OSBPL10: variants seen among roughly 807,000 people sequenced by gnomAD.
OSBPL10 encodes oxysterol-binding protein-related protein 10.
OSBPL10 carries 49 observed loss-of-function variants against 81.7 expected under a neutral mutation model. The ratio of observed to expected loss-of-function variants is 0.60; its 90% confidence interval spans 0.48 to 0.76. The LOEUF is 0.76. Ranked by LOEUF, OSBPL10 falls within the 30% of genes least tolerant of loss-of-function variation. The pLI, the probability that OSBPL10 is intolerant of heterozygous loss-of-function variation, is 0.00. For synonymous variants in OSBPL10, 419 were observed against 383.6 expected (o/e 1.09, Z -1.08); for missense variants, 923 against 987.8 (o/e 0.93, Z 0.88).
intron 1 of OSBPL10, among the ~76,000 whole-genome samples, chr3:32,053,976 A>G (rs1559555735): frequency 6.6e-6 from 1 of 152,196 alleles, no homozygotes; most frequent in African/African-American, 2.4e-5. Context: ...TCAAAAAAAC[A>G]AAAGAAAGAA....
chr3:31,984,603 G>A (rs1225269608), upstream of OSBPL10, among the ~76,000 whole-genome samples: 1 of 152,180 alleles, frequency 6.6e-6, no homozygotes. Flanking sequence ...ATCTATAGGA[G>A]TGATGGGGAG....
At chr3:32,019,992 C>T (rs1197755753) in intron 2 of OSBPL10, among the ~76,000 whole-genome samples, 1 of 152,190 alleles carries the variant, frequency 6.6e-6, no homozygotes, top group East Asian at 1.9e-4. Context: ...ATTTCTCTCC[C>T]AGTTCCACTC....
In OSBPL10 at chr3:31,661,771, C is replaced by T. The variant is rs1203091800; in HGVS notation, c.*301G>A. On this transcript the variant is annotated 3_prime_UTR_variant, in exon 12 of 12. Coordinates refer to ENST00000396556, the MANE Select transcript of OSBPL10 (RefSeq NM_017784.5). ...TGATAAAAAGGAGCTTATGATTACCCACTTTAACCTTGGTGAGTGCAGTAT... is the reference window on the plus strand; with the variant it reads ...TGATAAAAAGGAGCTTATGATTACCTACTTTAACCTTGGTGAGTGCAGTAT... The T allele has an allele frequency of 7.2e-6, 2 of 276,418 alleles. No individual in the cohort carries two copies. Among genetic ancestry groups the T allele is most frequent in the Non-Finnish European group, 1.3e-5 (2 of 149,316 alleles). The allele number at this position is 276,418 out of a possible 1,614,324, so 17.1% of individuals were successfully genotyped here. A position where few individuals can be genotyped will look rare whatever the true frequency, so the allele number is the denominator to read the frequency against.
At chr3:31,667,339 A>G (rs1046506497) in intron 10 of OSBPL10, among the ~76,000 whole-genome samples, 1 of 152,230 alleles carries the variant, frequency 6.6e-6, no homozygotes, top group African/African-American at 2.4e-5. Context: ...AGACACAGAG[A>G]AAGGTTATGC....
chr3:32,071,542 C>G (rs957910377), intron 1 of OSBPL10, among the ~76,000 whole-genome samples: 1 of 152,218 alleles, frequency 6.6e-6, no homozygotes, highest in African/African-American at 2.4e-5. Flanking sequence ...CGCCTTGTAG[C>G]CTTTTTGTCC....
chr3:31,801,853 G>T (rs928031154), intron 4 of OSBPL10, among the ~76,000 whole-genome samples: 5 of 150,292 alleles, frequency 3.3e-5, no homozygotes, highest in African/African-American at 9.8e-5. Context: ...ATGGAGTTTT[G>T]CTCTTGTTGC....
At chr3:31,822,758 A>C (rs1203313918) in intron 4 of OSBPL10, among the ~76,000 whole-genome samples, 1 of 151,756 alleles carries the variant, frequency 6.6e-6, no homozygotes, top group Admixed American at 6.6e-5. Context: ...AAAAACTTTA[A>C]AAAAAATTAG....
rs191880477 is a variant in OSBPL10 at position 31,870,157 on chromosome 3, G to A, written c.537+6276C>T. ...AGGGGGAACCGGGGCTGCGCACTGC[G>A]CTTGCGGGCCAGCTGGAGTTCCAGG... On this transcript the variant is annotated intron_variant, in intron 3 of 11. Transcript: ENST00000396556. Among the ~76,000 whole-genome samples the A allele has an allele frequency of 2.5e-3, 388 of 152,366 alleles. 5 individuals are homozygous for A. The highest frequency in any genetic ancestry group is 8.8e-3 in the African/African-American group (366 of 41,592).
intron 3 of OSBPL10, among the ~76,000 whole-genome samples, chr3:31,862,900 G>C (rs1701093566): frequency 6.6e-6 from 1 of 152,166 alleles, no homozygotes; most frequent in African/African-American, 2.4e-5. Flanking sequence ...ATATGGCCCA[G>C]TCATTCCACT....
intron 4 of OSBPL10, among the ~76,000 whole-genome samples, chr3:31,767,982 G>A (rs747042058): frequency 1.3e-5 from 2 of 152,156 alleles, no homozygotes; most frequent in African/African-American, 2.4e-5. Flanking sequence ...ACTCGATAGA[G>A]CAGCCCTGAG....
At position 31,721,854 on chromosome 3, in the gene OSBPL10, T is replaced by C. The variant is rs909028868; in HGVS notation, c.1095+11403A>G. Among the ~76,000 whole-genome samples, 9 of 152,342 alleles carry C rather than the reference T, an allele frequency of 5.9e-5. No homozygotes were observed. The East Asian group carries it at 1.5e-3, about 26-fold the overall frequency. On this transcript the variant is annotated intron_variant, in intron 6 of 11. Transcript: ENST00000396556. Reference sequence around the variant, plus strand: ...AGCTGGACATTAGCGATATATGATCTCACATAATGTTTATAACATTTTCAT... The same window carrying C: ...AGCTGGACATTAGCGATATATGATCCCACATAATGTTTATAACATTTTCAT...
At chr3:31,971,598 A>C (rs2125491981) in intron 1 of OSBPL10, among the ~76,000 whole-genome samples, 1 of 152,368 alleles carries the variant, frequency 6.6e-6, no homozygotes, top group South Asian at 2.1e-4. Context: ...CAAGGCAAAG[A>C]GTAGAGCTGG....
At position 31,683,895 on chromosome 3, in the gene OSBPL10, A is replaced by G. The variant is rs1700723904; in HGVS notation, c.1465T>C (p.Cys489Arg). 8 of 1,614,262 alleles carry G rather than the reference A, an allele frequency of 5.0e-6. No homozygotes were observed. Among genetic ancestry groups the G allele is most frequent in the Non-Finnish European group, 6.8e-6 (8 of 1,180,052 alleles). ...YNPIIGETFHCSWEVPKDRVK... is the reference protein window; with the variant it reads ...YNPIIGETFHRSWEVPKDRVK... ...CTGTCCTTGGGAACTTCCCAGGAGC[A>G]GTGAAATGTCTCGCCTATGATGGGG... The change falls in exon 8 of 12, where the codon TGC (cysteine) becomes CGC (arginine). Residue 489 changes from cysteine to arginine, a missense_variant. Cys to Arg is a radical substitution (Grantham distance 180). This residue lies in a region of OSBPL10 where 387 missense variants were observed against 436.3 expected (regional missense o/e 0.89). Coordinates refer to ENST00000396556, the MANE Select transcript of OSBPL10 (RefSeq NM_017784.5).
At chr3:31,910,627 C>T (rs1696548254) in intron 1 of OSBPL10, among the ~76,000 whole-genome samples, 1 of 151,312 alleles carries the variant, frequency 6.6e-6, no homozygotes, top group African/African-American at 2.4e-5. Flanking sequence ...CAGAGTGAGA[C>T]TCTAGCTCAA....
chr3:32,031,953 T>C (rs1699473013), intron 2 of OSBPL10, among the ~76,000 whole-genome samples: 1 of 152,110 alleles, frequency 6.6e-6, no homozygotes, highest in South Asian at 2.1e-4. Flanking sequence ...AACCCAGATA[T>C]TTAGGAAAGA....
chr3:31,682,278 C>T (rs564382531), intron 8 of OSBPL10, among the ~76,000 whole-genome samples: 20 of 152,308 alleles, frequency 1.3e-4, no homozygotes, highest in Non-Finnish European at 2.5e-4. Flanking sequence ...TGAGATTGAG[C>T]CTGGTACTCT....
chr3:31,707,144 C>T lies in OSBPL10; in HGVS notation c.1096-4636G>A, dbSNP rs34714500. On this transcript the variant is annotated intron_variant, in intron 6 of 11. Transcript: ENST00000396556. Reference sequence around the variant, plus strand: ...TTTGAGATATCATGGCAGAAGCCTGCGTGGTTCCATTACCTAACCATTAAA... The same window carrying T: ...TTTGAGATATCATGGCAGAAGCCTGTGTGGTTCCATTACCTAACCATTAAA... 167 of 152,272 alleles carry T rather than the reference C, an allele frequency of 1.1e-3. 1 individual carries two copies. The highest frequency in any genetic ancestry group is 3.4e-3 in the Middle Eastern group (1 of 294). 9.4% of individuals were successfully genotyped at this position (152,272 alleles called of 1,614,324 possible).
chr3:31,661,441 G>C lies in OSBPL10; in HGVS notation c.*631C>G, dbSNP rs753522701. The C allele has an allele frequency of 6.6e-6, 1 of 152,238 alleles. No homozygotes were observed. Among genetic ancestry groups the C allele is most frequent in the Non-Finnish European group, 1.5e-5 (1 of 68,064 alleles). 9.4% of individuals were successfully genotyped at this position (152,238 alleles called of 1,614,324 possible). On this transcript the variant is annotated 3_prime_UTR_variant, in exon 12 of 12. Coordinates refer to ENST00000396556, the MANE Select transcript of OSBPL10 (RefSeq NM_017784.5). ...AGTTGTCCCAGAGGTGCTCCATCCT[G>C]CAAGGCTCTGGCATAAATCTTTAAC...
intron 1 of OSBPL10, among the ~76,000 whole-genome samples, chr3:31,907,520 G>C (rs898523502): frequency 3.4e-5 from 5 of 145,500 alleles, no homozygotes; most frequent in Non-Finnish European, 7.4e-5. Context: ...CCAGCTACTT[G>C]GGAAGCTAAG....
Sources: gnomAD v4.1 joint callset for allele counts (sites outside exome capture counted in the v4.1 genomes callset) on GRCh38, gnomAD v4.1.1 for gene constraint, gnomAD v4.1.1 regional missense constraint, MANE v1.5 for transcripts, NCBI Gene and HGNC (gene_info 2026-07-23, HGNC 2026-07-21) for gene names.